The following PTPRO variants were observed in gnomAD, a reference collection of about 807,000 sequenced individuals.
PTPRO encodes receptor-type tyrosine-protein phosphatase O.
Under a neutral mutation model 145.2 loss-of-function variants are expected in PTPRO, and 62 were observed. The observed-to-expected ratio is 0.43, with a 90% CI of 0.35 to 0.53. The LOEUF (loss-of-function observed/expected upper bound fraction) is 0.53. Ranked by LOEUF, PTPRO falls within the 20% of genes least tolerant of loss-of-function variation. The pLI is 0.01. For synonymous variants in PTPRO, 565 were observed against 514.7 expected (o/e 1.10, Z -1.32); for missense variants, 1,345 against 1,482.7 (o/e 0.91, Z 1.53).
At chr12:15,412,642 A>T (rs1346403761) in intron 1 of PTPRO, among the ~76,000 whole-genome samples, 2 of 152,200 alleles carry the variant, frequency 1.3e-5, no homozygotes, top group Non-Finnish European at 2.9e-5. Context: ...TGAATATTTG[A>T]TGATCTTTAC....
At chr12:15,495,556 AT>A (rs1285678593) in intron 2 of PTPRO, among the ~76,000 whole-genome samples, 8 of 151,396 alleles carry the variant, frequency 5.3e-5, no homozygotes, top group East Asian at 1.9e-4. Flanking sequence ...TGAATCAAAA[AT>A]TTTTTTTTCT....
chr12:15,548,962 T>C, intron 13 of PTPRO, 132 bp from the exon 14 acceptor site: 1 of 1,033,722 alleles, frequency 9.7e-7, no homozygotes, highest in Non-Finnish European at 1.5e-6. Flanking sequence ...AGGAAACATT[T>C]TTCAATGCTA....
At chr12:15,387,963 C>T (rs1318400722) in intron 1 of PTPRO, among the ~76,000 whole-genome samples, 4 of 152,062 alleles carry the variant, frequency 2.6e-5, no homozygotes, top group Non-Finnish European at 2.9e-5. Context: ...GCTAATTATT[C>T]TTCTGATCTC....
At chr12:15,580,956 T>C (rs1349905788) in intron 22 of PTPRO, 125 bp downstream of exon 22, 3 of 1,324,316 alleles carry the variant, frequency 2.3e-6, no homozygotes, top group African/African-American at 1.4e-5. Context: ...ATTTAAAACA[T>C]TGTATTCGGG....
intron 12 of PTPRO, among the ~76,000 whole-genome samples, chr12:15,533,745 C>T (rs1943012286): frequency 6.6e-6 from 1 of 152,084 alleles, no homozygotes; most frequent in Non-Finnish European, 1.5e-5. Flanking sequence ...CATAGTCATT[C>T]TCCTTTAAAG....
Position 15,442,231 on chromosome 12 carries a change from G to A in PTPRO, c.76-41743G>A, listed in dbSNP as rs193294813. On this transcript the variant is annotated intron_variant, in intron 1 of 26. Transcript: ENST00000281171. Reference sequence around the variant, plus strand: ...CAATAAATGTGACTCACCACATAAAGAATTAAAAACAAAAACAATATGATT... The same window carrying A: ...CAATAAATGTGACTCACCACATAAAAAATTAAAAACAAAAACAATATGATT... Among the ~76,000 whole-genome samples, 661 of 152,016 alleles carry A rather than the reference G, an allele frequency of 4.3e-3. 3 individuals are homozygous for A. The highest frequency in any genetic ancestry group is 6.7e-3 in the Non-Finnish European group (455 of 67,896).
chr12:15,594,802 A>G lies in PTPRO; in HGVS notation c.3547-135A>G, dbSNP rs1393819237. ...GTTGATTCTCTTGGATTTTCTAGTT[A>G]TAAAACTGTGTCTCTGTAAATAATG... On this transcript the variant is annotated intron_variant, in intron 25 of 26. Transcript: ENST00000281171. 10 of 679,064 alleles carry G rather than the reference A, an allele frequency of 1.5e-5. No homozygotes were observed. In the East Asian group the frequency reaches 2.5e-4, roughly 17 times the overall value. The allele number at this position is 679,064 out of a possible 1,614,324, so 42.1% of individuals were successfully genotyped here.
At chr12:15,399,526 T>C (rs910278093) in intron 1 of PTPRO, among the ~76,000 whole-genome samples, 1 of 152,186 alleles carries the variant, frequency 6.6e-6, no homozygotes, top group Non-Finnish European at 1.5e-5. Context: ...CCCACTAATC[T>C]AGAAGCACTT....
At chr12:15,468,838 G>T (rs1054003334) in intron 1 of PTPRO, among the ~76,000 whole-genome samples, 1 of 152,016 alleles carries the variant, frequency 6.6e-6, no homozygotes, top group Non-Finnish European at 1.5e-5. Context: ...TTAACTTCTG[G>T]GCTTTAATTT....
intron 1 of PTPRO, among the ~76,000 whole-genome samples, chr12:15,438,493 A>G (rs1287204529): frequency 6.6e-6 from 1 of 152,068 alleles, no homozygotes; most frequent in Non-Finnish European, 1.5e-5. Flanking sequence ...GAACAAAAAG[A>G]TAAACATCTT....
intron 1 of PTPRO, among the ~76,000 whole-genome samples, chr12:15,390,310 A>G (rs1939152738): frequency 6.6e-6 from 1 of 152,286 alleles, no homozygotes; most frequent in Admixed American, 6.5e-5. Flanking sequence ...CAGAGACTGG[A>G]TAATTTATAA....
chr12:15,401,004 C>T (rs1034190587), intron 1 of PTPRO, among the ~76,000 whole-genome samples: 6 of 152,120 alleles, frequency 3.9e-5, no homozygotes, highest in African/African-American at 7.2e-5. Flanking sequence ...GAAGTGTTTT[C>T]GCTTTTTTGT....
intron 19 of PTPRO, among the ~76,000 whole-genome samples, chr12:15,573,904 G>T (rs1944117796): frequency 1.3e-5 from 2 of 152,108 alleles, no homozygotes; most frequent in Admixed American, 6.6e-5. Flanking sequence ...AGTTAATTGA[G>T]ACTTAAGGAA....
chr12:15,517,939 G>C (rs1187910383), intron 9 of PTPRO, among the ~76,000 whole-genome samples: 1 of 152,182 alleles, frequency 6.6e-6, no homozygotes, highest in Non-Finnish European at 1.5e-5. Context: ...CTGGGGTCTG[G>C]AGGATGGTGA....
At chr12:15,536,899 A>G (rs889098276) in intron 12 of PTPRO, among the ~76,000 whole-genome samples, 1 of 152,194 alleles carries the variant, frequency 6.6e-6, no homozygotes, top group South Asian at 2.1e-4. Flanking sequence ...AAGAGATTAT[A>G]CTTGTTTAGG....
At chr12:15,434,407 A>G (rs1940539564) in intron 1 of PTPRO, among the ~76,000 whole-genome samples, 1 of 152,208 alleles carries the variant, frequency 6.6e-6, no homozygotes, top group African/African-American at 2.4e-5. Context: ...AAAGGTAAAG[A>G]CTAAGGACAA....
At chr12:15,541,679 A>G (rs1343102629) in intron 12 of PTPRO, among the ~76,000 whole-genome samples, 1 of 152,198 alleles carries the variant, frequency 6.6e-6, no homozygotes, top group South Asian at 2.1e-4. Context: ...AGATTAGAGC[A>G]CGTGCTAACA....
intron 1 of PTPRO, among the ~76,000 whole-genome samples, chr12:15,352,224 G>A (rs371976413): frequency 1.9e-3 from 291 of 152,262 alleles, no homozygotes; most frequent in African/African-American, 6.7e-3. Flanking sequence ...CATTACATCG[G>A]TTCTGCCCAA....
At chr12:15,356,923 C>G (rs1209334697) in intron 1 of PTPRO, among the ~76,000 whole-genome samples, 1 of 152,048 alleles carries the variant, frequency 6.6e-6, no homozygotes, top group Non-Finnish European at 1.5e-5. Flanking sequence ...CTTAAGGGGT[C>G]ACGGTCAATG....
Sources: gnomAD v4.1 joint callset for allele counts (sites outside exome capture counted in the v4.1 genomes callset) on GRCh38, gnomAD v4.1.1 for gene constraint, MANE v1.5 for transcripts, NCBI Gene and HGNC (gene_info 2026-07-23, HGNC 2026-07-21) for gene names.